The following CASK variants were observed in gnomAD, a reference collection of about 807,000 sequenced individuals.
CASK encodes peripheral plasma membrane protein CASK.
Under a neutral mutation model 82.9 loss-of-function variants are expected in CASK, and 4 were observed. The ratio of observed to expected loss-of-function variants is 0.05; its 90% CI spans 0.02 to 0.11. CASK has a LOEUF of 0.11. CASK is among the 10% of genes least tolerant of loss of function. CASK has a pLI of 1.00. For missense variants in CASK, 358 were observed against 720.9 expected (o/e 0.50, Z 5.76); for synonymous variants, 259 against 253.5 (o/e 1.02, Z -0.20).
intron 5 of CASK, chrX:41,724,373 C>G (rs2068219041): frequency 8.9e-6 from 1 of 112,479 alleles, no homozygotes. Flanking sequence ...ATTTTGAAAG[C>G]TGATCATTAA....
chrX:41,563,356 C>CAAAAAA (rs746081703), intron 16 of CASK, among the ~76,000 whole-genome samples: 1 of 15,117 alleles, frequency 6.6e-5, no homozygotes, highest in Non-Finnish European at 1.2e-4. Flanking sequence ...GACCCTGTCT[C>CAAAAAA]AAAAAAAAAA....
chrX:41,854,224 G>GCGCGCGCGCGCGCACACA (rs1367817089), intron 1 of CASK, among the ~76,000 whole-genome samples: 1 of 81,718 alleles, frequency 1.2e-5, no homozygotes, highest in African/African-American at 4.6e-5. Flanking sequence ...GCGGGCGCGC[G>GCGCGCGCGCGCGCACACA]CACACACACA....
chrX:41,881,793 G>C lies in CASK; in HGVS notation c.60-28566C>G, dbSNP rs768277087. Among the ~76,000 whole-genome samples the C allele has an allele frequency of 2.2e-4, 24 of 111,499 alleles. No individual in the cohort carries two copies. In the South Asian group the frequency reaches 8.9e-3, roughly 41 times the overall value. On this transcript the variant is annotated intron_variant, in intron 1 of 26. Coordinates refer to ENST00000378163, the MANE Select transcript of CASK (RefSeq NM_001367721.1). ...GGAAATCATTCAATTTATTATTTCC[G>C]TGTTTACTTCCTCTGTTAAACCAAG...
intron 5 of CASK, among the ~76,000 whole-genome samples, chrX:41,716,276 C>T: frequency 8.9e-6 from 1 of 112,176 alleles, no homozygotes; most frequent in Non-Finnish European, 1.9e-5. Context: ...ATATCTTCCT[C>T]AGAGTAACGG....
At chrX:41,900,943 A>G (rs777906940) in intron 1 of CASK, among the ~76,000 whole-genome samples, 1 of 109,324 alleles carries the variant, frequency 9.1e-6, no homozygotes, top group Admixed American at 9.8e-5. Context: ...ATGAGGTTTC[A>G]CCATGTTGGC....
At chrX:41,650,287 C>T (rs186111610) in intron 8 of CASK, among the ~76,000 whole-genome samples, 1,496 of 111,131 alleles carry the variant, frequency 0.013, 12 homozygotes, top group Middle Eastern at 0.023. Flanking sequence ...GAATTTGATC[C>T]TGTCATTATG....
intron 17 of CASK, among the ~76,000 whole-genome samples, chrX:41,560,594 TA>T (rs1283654213): frequency 7.1e-4 from 75 of 105,496 alleles, no homozygotes; most frequent in Non-Finnish European, 1.1e-3. Flanking sequence ...GGCTTTTTTT[TA>T]AAAAAAAATT....
Position 41,696,145 on chromosome X carries a change from G to C in CASK, c.430-24615C>G, listed in dbSNP as rs762559517. 3.3e-6 allele frequency: 4 copies of C among 1,205,626 alleles called. No homozygotes were observed. In the African/African-American group the frequency reaches 5.3e-5, roughly 16 times the overall value. ...CGGAAGGCAATAACAACCAAACAAA[G>C]TATTTATGTCTGTTGTATAGTATGG... is the stretch of plus-strand genomic sequence containing the variant. On this transcript the variant is annotated intron_variant, in intron 5 of 26. Transcript: ENST00000378163.
chrX:41,879,986 G>A (rs1601935129), intron 1 of CASK, among the ~76,000 whole-genome samples: 2 of 111,408 alleles, frequency 1.8e-5, no homozygotes, highest in South Asian at 7.5e-4. Flanking sequence ...TTTGCTTTGT[G>A]GTTTTCAGAG....
At position 41,812,994 on chromosome X, in the gene CASK, A is replaced by G. The variant is rs1351383128; in HGVS notation, c.173-25711T>C. Among the ~76,000 whole-genome samples, 320 of 111,247 alleles carry G rather than the reference A, an allele frequency of 2.9e-3. 1 individual carries two copies. Among genetic ancestry groups the G allele is most frequent in the African/African-American group, 9.9e-3 (304 of 30,576 alleles). ...CATGAGTGAACTCCCATTCACAATT[A>G]CTTCAAAGAGAATAAAATACCTAGG... On this transcript the variant is annotated intron_variant, in intron 2 of 26. Transcript: ENST00000378163.
rs773491936 is a variant in CASK, at chrX:41,832,193, A to G, written c.172+20922T>C. 3.5e-3 allele frequency among the ~76,000 whole-genome samples: 387 copies of G among 111,224 alleles called. 1 individual carries two copies. The highest frequency in any genetic ancestry group is 0.012 in the African/African-American group (364 of 30,574). On this transcript the variant is annotated intron_variant, in intron 2 of 26. Transcript: ENST00000378163. Reference sequence around the variant, plus strand: ...GAAAGCTGGTATAATAACAAAGAAAACAATCTACTCTAGGAAAATTACAAT... The same window carrying G: ...GAAAGCTGGTATAATAACAAAGAAAGCAATCTACTCTAGGAAAATTACAAT...
intron 10 of CASK, among the ~76,000 whole-genome samples, chrX:41,625,246 C>T (rs1295289929): frequency 4.2e-5 from 4 of 95,713 alleles, no homozygotes; most frequent in Non-Finnish European, 6.1e-5. Context: ...AGTGCAGTGG[C>T]GTGATCTCGG....
intron 8 of CASK, among the ~76,000 whole-genome samples, chrX:41,646,847 T>C (rs770656540): frequency 8.9e-6 from 1 of 111,746 alleles, no homozygotes; most frequent in Non-Finnish European, 1.9e-5. Context: ...AAAAGTGTAA[T>C]GTTGGTTCGA....
chrX:41,616,774 A>AT (rs2066207754), intron 11 of CASK, among the ~76,000 whole-genome samples: 1 of 110,600 alleles, frequency 9.0e-6, no homozygotes. Flanking sequence ...CACCCAGCTA[A>AT]TTTTTTGTGT....
At chrX:41,768,586 T>G (rs939294483) in intron 3 of CASK, among the ~76,000 whole-genome samples, 2 of 111,330 alleles carry the variant, frequency 1.8e-5, no homozygotes, top group Non-Finnish European at 3.8e-5. Context: ...GTTCTGCATG[T>G]TAAAAAAAAA....
chrX:41,581,381 T>TAA (rs1328155723), intron 14 of CASK, among the ~76,000 whole-genome samples: 2 of 102,455 alleles, frequency 2.0e-5, no homozygotes, highest in East Asian at 3.0e-4. Flanking sequence ...CCCCGTCTCT[T>TAA]AAAAAAAAAA....
intron 2 of CASK, among the ~76,000 whole-genome samples, chrX:41,794,847 G>T (rs2069815204): frequency 1.8e-5 from 2 of 112,468 alleles, no homozygotes; most frequent in Admixed American, 1.9e-4. Flanking sequence ...TTTCATAATT[G>T]TGTTATCTAT....
At chrX:41,750,029 C>G (rs1320953809) in intron 3 of CASK, among the ~76,000 whole-genome samples, 1 of 110,689 alleles carries the variant, frequency 9.0e-6, no homozygotes, top group East Asian at 2.8e-4. Flanking sequence ...AGATATCAAA[C>G]AAAACCACCT....
chrX:41,529,477 A>G (rs1216409622), intron 25 of CASK: 2 of 129,028 alleles, frequency 1.6e-5, no homozygotes, highest in South Asian at 3.6e-4. Flanking sequence ...TAGGTAATGC[A>G]GAGGGAGTCT....
Sources: gnomAD v4.1 joint callset for allele counts (sites outside exome capture counted in the v4.1 genomes callset) on GRCh38, gnomAD v4.1.1 for gene constraint, MANE v1.5 for transcripts, NCBI Gene and HGNC (gene_info 2026-07-23, HGNC 2026-07-21) for gene names.